ANKS1B: variants seen among roughly 807,000 people sequenced by gnomAD.
ANKS1B encodes ankyrin repeat and sterile alpha motif domain-containing protein 1B.
Under a neutral mutation model 148.3 loss-of-function variants are expected in ANKS1B, and 36 were observed. The observed-to-expected ratio is 0.24, with a 90% CI of 0.19 to 0.32. The LOEUF (loss-of-function observed/expected upper bound fraction) is 0.32. Ranked by LOEUF, ANKS1B falls within the 10% of genes least tolerant of loss-of-function variation. The pLI is 1.00. For synonymous variants in ANKS1B, 542 were observed against 560.8 expected (o/e 0.97, Z 0.47); for missense variants, 1,157 against 1,542.6 (o/e 0.75, Z 4.19).
At chr12:99,704,739 T>C (rs1365307698) in intron 8 of ANKS1B, among the ~76,000 whole-genome samples, 2 of 152,082 alleles carry the variant, frequency 1.3e-5, no homozygotes, top group African/African-American at 2.4e-5. Flanking sequence ...CTGTCTGGTA[T>C]AATAGTTCTC....
intron 17 of ANKS1B, among the ~76,000 whole-genome samples, chr12:98,944,879 T>A (rs148240517): frequency 4.6e-5 from 7 of 152,386 alleles, no homozygotes; most frequent in Admixed American, 1.3e-4. Flanking sequence ...ATAGATGGGA[T>A]CCTGTTATAA....
At chr12:99,537,823 A>T (rs1567302439) in intron 9 of ANKS1B, among the ~76,000 whole-genome samples, 1 of 152,084 alleles carries the variant, frequency 6.6e-6, no homozygotes, top group African/African-American at 2.4e-5. Context: ...TGCTCAAGAA[A>T]TTTTTGCCCA....
At chr12:99,912,214 T>TA (rs1027852650) in intron 1 of ANKS1B, among the ~76,000 whole-genome samples, 2 of 152,222 alleles carry the variant, frequency 1.3e-5, no homozygotes, top group African/African-American at 4.8e-5. Context: ...AGACTCTAGA[T>TA]AGAGATTCAC....
In ANKS1B at chr12:98,801,021, G is replaced by A; in HGVS notation, c.3246C>T (p.Phe1082=). The change falls in exon 21 of 27, where the codon TTC becomes TTT. Residue 1082 remains phenylalanine, a synonymous_variant. Coordinates refer to ENST00000683438, the MANE Select transcript of ANKS1B (RefSeq NM_001352186.2). The surrounding 1 kb of genome is among the most constrained non-coding windows in gnomAD (Gnocchi z 5.2). Reference sequence around the variant, plus strand: ...CAAAAGCTTTGTAATCACACGACTGGAAGATAAGCTTTTCTGGGTGATGCT... The same window carrying A: ...CAAAAGCTTTGTAATCACACGACTGAAAGATAAGCTTTTCTGGGTGATGCT... The part of the protein sequence containing the change: ...YWQHHPEKLI[F]QSCDYKAFYL... 6.2e-7 allele frequency: 1 copy of A among 1,612,510 alleles called. No individual in the cohort carries two copies. Among genetic ancestry groups the A allele is most frequent in the Non-Finnish European group, 8.5e-7 (1 of 1,179,250 alleles).
At position 99,148,509 on chromosome 12, in the gene ANKS1B, G is replaced by A. The variant is rs534484750; in HGVS notation, c.2526+5780C>T. ...TCTGCTGCACAAGCAATCAGTATTC[G>A]TGCAAGGCTAATGGGATATACAAGA... On this transcript the variant is annotated intron_variant, in intron 15 of 26. Transcript: ENST00000683438. 9.2e-5 allele frequency among the ~76,000 whole-genome samples: 14 copies of A among 151,860 alleles called. No individual in the cohort carries two copies. In the South Asian group the frequency reaches 1.9e-3, roughly 20 times the overall value.
At chr12:99,155,482 C>A (rs1414324349) in intron 14 of ANKS1B, among the ~76,000 whole-genome samples, 2 of 152,024 alleles carry the variant, frequency 1.3e-5, no homozygotes, top group East Asian at 1.9e-4. Flanking sequence ...ATATTTATAA[C>A]CCAATCTACC....
intron 16 of ANKS1B, among the ~76,000 whole-genome samples, chr12:99,074,203 A>G (rs2047114108): frequency 6.6e-6 from 1 of 152,158 alleles, no homozygotes; most frequent in South Asian, 2.1e-4. Flanking sequence ...GGATAGCAAT[A>G]GATCAGAACC....
At chr12:99,105,133 G>A (rs1566101443) in intron 15 of ANKS1B, 1 of 152,170 alleles carries the variant, frequency 6.6e-6, no homozygotes, top group African/African-American at 2.4e-5. Flanking sequence ...ATCTAGAAAA[G>A]TATTTTGTTC....
chr12:98,773,096 T>C lies in ANKS1B; in HGVS notation c.3525A>G (p.Thr1175=), dbSNP rs1021593806. ...PEDLSTFAYI[T]KDLKSNHHYC... ...AGTGGTGATTAGACTTCAAATCTTT[T>C]GTGATATAGGCAAATGTTGAGAGGT... Residue 1175 remains threonine (T), a synonymous_variant, in exon 25 of 27, where the codon ACA becomes ACG. Transcript: ENST00000683438. 2 of 1,613,850 alleles carry C rather than the reference T, an allele frequency of 1.2e-6. No individual in the cohort carries two copies. The highest frequency in any genetic ancestry group is 2.7e-5 in the African/African-American group (2 of 74,930).
At chr12:99,965,741 T>C (rs781306916) in intron 1 of ANKS1B, among the ~76,000 whole-genome samples, 1 of 152,234 alleles carries the variant, frequency 6.6e-6, no homozygotes, top group Non-Finnish European at 1.5e-5. Flanking sequence ...CTGGTCAACA[T>C]GGTGAAACCC....
chr12:98,852,451 G>C (rs1595510178), intron 17 of ANKS1B, among the ~76,000 whole-genome samples: 1 of 152,128 alleles, frequency 6.6e-6, no homozygotes, highest in African/African-American at 2.4e-5. Context: ...AAGTAGAAAG[G>C]AGGAAGAACA....
chr12:99,598,499 G>A (rs1382186023), intron 9 of ANKS1B, among the ~76,000 whole-genome samples: 1 of 152,022 alleles, frequency 6.6e-6, no homozygotes, highest in Non-Finnish European at 1.5e-5. Context: ...CTTGCACAAG[G>A]CTACTTGACC....
intron 12 of ANKS1B, among the ~76,000 whole-genome samples, chr12:99,283,820 G>T (rs2078774620): frequency 6.6e-6 from 1 of 152,084 alleles, no homozygotes; most frequent in Non-Finnish European, 1.5e-5. Flanking sequence ...TAAAGAAAAT[G>T]TTTACTGAAT....
At chr12:99,389,991 G>T (rs1567010482) in intron 12 of ANKS1B, among the ~76,000 whole-genome samples, 1 of 152,154 alleles carries the variant, frequency 6.6e-6, no homozygotes, top group South Asian at 2.1e-4. Context: ...TGACCTGCTT[G>T]TTCCAAGCAA....
intron 3 of ANKS1B, among the ~76,000 whole-genome samples, chr12:99,807,617 C>T (rs2067801573): frequency 6.6e-6 from 1 of 152,152 alleles, no homozygotes; most frequent in South Asian, 2.1e-4. Context: ...ATAGCTAACA[C>T]TATGTACTAG....
At chr12:99,023,734 T>C (rs530035116) in intron 17 of ANKS1B, among the ~76,000 whole-genome samples, 1 of 151,744 alleles carries the variant, frequency 6.6e-6, no homozygotes, top group South Asian at 2.1e-4. Context: ...AGATTAAACA[T>C]TACTTCTATG....
At chr12:98,791,173 T>C (rs940629931) in intron 22 of ANKS1B, among the ~76,000 whole-genome samples, 1 of 152,048 alleles carries the variant, frequency 6.6e-6, no homozygotes, top group African/African-American at 2.4e-5. Flanking sequence ...GGTGAAACCC[T>C]GTCTCTACTA....
intron 1 of ANKS1B, among the ~76,000 whole-genome samples, chr12:99,908,257 C>T (rs749319913): frequency 2.0e-5 from 3 of 152,092 alleles, no homozygotes; most frequent in Non-Finnish European, 4.4e-5. Context: ...AAAATCATTG[C>T]TAATGATCAA....
intron 10 of ANKS1B, among the ~76,000 whole-genome samples, chr12:99,482,043 C>T (rs188534879): frequency 1.0e-3 from 153 of 151,822 alleles, no homozygotes; most frequent in African/African-American, 3.5e-3. Context: ...TTAATTAGGT[C>T]CCATTTACTT....
Sources: allele counts gnomAD v4.1 joint callset (sites outside exome capture counted in the v4.1 genomes callset), GRCh38; gene constraint gnomAD v4.1.1; non-coding constraint Gnocchi (gnomAD v3.1); transcripts MANE v1.5; gene names NCBI Gene and HGNC (gene_info 2026-07-23, HGNC 2026-07-21).